Variants in ABCB5 observed in about 807,000 individuals in gnomAD.
The protein encoded by ABCB5 is ATP-binding cassette sub-family B member 5.
In ABCB5, 155 loss-of-function variants were observed where a neutral mutation model predicts 144.2. That is an observed-to-expected ratio of 1.08 (90% CI 0.94 to 1.23). ABCB5 has a LOEUF of 1.23. Ranked by LOEUF, ABCB5 falls within the 50% of genes most tolerant of loss-of-function variation. The pLI is 0.00. For missense variants in ABCB5, 1,830 were observed against 1,520.8 expected (o/e 1.20, Z -3.38); for synonymous variants, 610 against 528.6 (o/e 1.15, Z -2.11).
At chr7:20,734,233 A>C (rs1453110457) in intron 23 of ABCB5, among the ~76,000 whole-genome samples, 1 of 151,926 alleles carries the variant, frequency 6.6e-6, no homozygotes, top group Non-Finnish European at 1.5e-5. Flanking sequence ...ACCTTCCAGA[A>C]TCTAGGATGA....
chr7:20,691,639 C>G (rs1224893140), intron 16 of ABCB5, among the ~76,000 whole-genome samples: 1 of 146,106 alleles, frequency 6.8e-6, no homozygotes, highest in East Asian at 2.0e-4. Context: ...TTTTAGGGTA[C>G]ATGTGCACAA....
At chr7:20,667,248 G>C (rs1473620195) in intron 14 of ABCB5, 1 of 979,056 alleles carries the variant, frequency 1.0e-6, no homozygotes, top group African/African-American at 1.8e-5. Flanking sequence ...TTTAGGCCAG[G>C]AGCCTGGCAA....
intron 20 of ABCB5, among the ~76,000 whole-genome samples, chr7:20,713,870 A>G (rs1171478890): frequency 7.6e-6 from 1 of 131,338 alleles, no homozygotes; most frequent in Non-Finnish European, 1.7e-5. Flanking sequence ...ATCTCGATTT[A>G]TCATTCTGTG....
At chr7:20,747,900 G>A (rs542034143) in intron 26 of ABCB5, among the ~76,000 whole-genome samples, 2 of 152,292 alleles carry the variant, frequency 1.3e-5, no homozygotes, top group African/African-American at 4.8e-5. Flanking sequence ...GTACCCTGGG[G>A]AGAATAAGGC....
At chr7:20,657,191 G>A (rs1262695003) in intron 13 of ABCB5, among the ~76,000 whole-genome samples, 40 of 152,130 alleles carry the variant, frequency 2.6e-4, no homozygotes, top group Admixed American at 6.5e-5. Context: ...TTACAGGTGT[G>A]AACCACCACA....
At position 20,615,805 on chromosome 7, in the gene ABCB5, G is replaced by C. The variant is rs959683682; in HGVS notation, c.-54G>C. 2.6e-5 allele frequency: 4 copies of C among 152,172 alleles called. No homozygotes were observed. Among genetic ancestry groups the C allele is most frequent in the African/African-American group, 9.7e-5 (4 of 41,382 alleles). The allele number at this position is 152,172 out of a possible 1,614,324, so 9.4% of individuals were successfully genotyped here. ...CTTAAGGACTTCAACTGACTGGATG[G>C]GGCCCACTCAAAACAGCATCTAAGG... On this transcript the variant is annotated 5_prime_UTR_variant, in exon 1 of 28. Coordinates refer to ENST00000404938, the MANE Select transcript of ABCB5 (RefSeq NM_001163941.2).
At chr7:20,725,031 T>C (rs1416834711) in intron 21 of ABCB5, among the ~76,000 whole-genome samples, 1 of 152,228 alleles carries the variant, frequency 6.6e-6, no homozygotes, top group East Asian at 1.9e-4. Flanking sequence ...CTAATTATGT[T>C]TTCCTCATCT....
chr7:20,647,585 T>C lies in ABCB5; in HGVS notation c.1032T>C (p.Pro344=), dbSNP rs776563895. The C allele has an allele frequency of 1.5e-5, 24 of 1,590,576 alleles. No homozygotes were observed. Among genetic ancestry groups the C allele is most frequent in the Non-Finnish European group, 2.0e-5 (23 of 1,167,240 alleles). Residue 344 remains proline, a synonymous_variant, in exon 10 of 28, where the codon CCT becomes CCC. Transcript: ENST00000404938. ...HSSYCIGAAV[P]HFETFAIARG... ...GTTATTGCATTGGAGCAGCAGTCCC[T>C]CACTTTGAAACCTTCGCAATAGCCC...
chr7:20,663,972 TC>T (rs1038083008), intron 14 of ABCB5, among the ~76,000 whole-genome samples: 2 of 151,718 alleles, frequency 1.3e-5, no homozygotes, highest in African/African-American at 4.8e-5. Context: ...CGCCTCGGCC[TC>T]CCAAAGTGCT....
At chr7:20,656,118 C>T (rs1784783769) in intron 13 of ABCB5, among the ~76,000 whole-genome samples, 1 of 152,136 alleles carries the variant, frequency 6.6e-6, no homozygotes, top group African/African-American at 2.4e-5. Context: ...CTTTACTTTA[C>T]ATCACACACA....
At chr7:20,672,264 T>C (rs1287036306) in intron 14 of ABCB5, among the ~76,000 whole-genome samples, 2 of 152,222 alleles carry the variant, frequency 1.3e-5, no homozygotes, top group Non-Finnish European at 2.9e-5. Context: ...GGCTTGGCTT[T>C]CTATTGTCTT....
At chr7:20,647,071 A>C (rs1193676422) in intron 9 of ABCB5, among the ~76,000 whole-genome samples, 2 of 152,166 alleles carry the variant, frequency 1.3e-5, no homozygotes, top group African/African-American at 4.8e-5. Context: ...GCTGTCCCCT[A>C]ATACAAAAAT....
intron 15 of ABCB5, among the ~76,000 whole-genome samples, chr7:20,682,666 G>C (rs747532688): frequency 1.3e-5 from 2 of 152,154 alleles, no homozygotes; most frequent in Non-Finnish European, 2.9e-5. Flanking sequence ...AACGTATGTA[G>C]GAAGCACCTA....
At chr7:20,720,943 CAAAAAAAAAAAA>C (rs71020677) in intron 20 of ABCB5, among the ~76,000 whole-genome samples, 1 of 71,062 alleles carries the variant, frequency 1.4e-5, no homozygotes, top group Non-Finnish European at 2.6e-5. Flanking sequence ...AACTCTGCCT[CAAAAAAAAAAAA>C]AAAAAAAAAA....
rs1562529302 is a variant in ABCB5, at chr7:20,632,105, T to C, written c.306T>C (p.Asp102=). ...CTQSQEKLNE[D]MTLLTLYYVG... ...AGTCTCAAGAGAAGCTGAATGAAGA[T>C]ATGACTCTGTAAGTCCAAATGAAAC... The change falls in exon 5 of 28, where the codon GAT becomes GAC. Residue 102 remains aspartate, a synonymous_variant. Coordinates refer to ENST00000404938, the MANE Select transcript of ABCB5 (RefSeq NM_001163941.2). 4 of 1,521,386 alleles carry C rather than the reference T, an allele frequency of 2.6e-6. No homozygotes were observed. The highest frequency in any genetic ancestry group is 3.5e-6 in the Non-Finnish European group (4 of 1,131,698). 94.2% of individuals were successfully genotyped at this position (1,521,386 alleles called of 1,614,324 possible). A position where few individuals can be genotyped will look rare whatever the true frequency, so the allele number is the denominator to read the frequency against.
At chr7:20,753,315 T>G in intron 26 of ABCB5, 45 bp from the exon 27 acceptor site, 1 of 1,562,374 alleles carries the variant, frequency 6.4e-7, no homozygotes, top group Non-Finnish European at 8.7e-7. Context: ...CATGCTAATT[T>G]AAATAACCAA....
intron 21 of ABCB5, among the ~76,000 whole-genome samples, chr7:20,726,313 C>A (rs1199251480): frequency 3.0e-5 from 4 of 134,092 alleles, no homozygotes; most frequent in Non-Finnish European, 4.8e-5. Context: ...ATTTTTAATT[C>A]TTTGCTAGAA....
chr7:20,739,266 C>T lies in ABCB5; in HGVS notation c.3024+127C>T. The T allele has an allele frequency of 7.6e-6, 7 of 916,004 alleles. No individual in the cohort carries two copies. In the Admixed American group the frequency reaches 1.1e-4, roughly 14 times the overall value. The allele number at this position is 916,004 out of a possible 1,614,324, so 56.7% of individuals were successfully genotyped here. On this transcript the variant is annotated intron_variant, in intron 24 of 27. Transcript: ENST00000404938. ...TAACCATTGGGTGCTATACTCAGTA[C>T]CTGTGTGACAAGATCATTCATACCC...
chr7:20,751,457 C>T (rs181427343), intron 26 of ABCB5, among the ~76,000 whole-genome samples: 3 of 151,744 alleles, frequency 2.0e-5, no homozygotes, highest in South Asian at 2.1e-4. Flanking sequence ...GGCTACAGAG[C>T]GAGACTCCGT....
Sources: gnomAD v4.1 joint callset for allele counts (sites outside exome capture counted in the v4.1 genomes callset) on GRCh38, gnomAD v4.1.1 for gene constraint, MANE v1.5 for transcripts, NCBI Gene and HGNC (gene_info 2026-07-23, HGNC 2026-07-21) for gene names.